The following SLC4A10 variants were observed in gnomAD, a reference collection of about 807,000 sequenced individuals.
SLC4A10 encodes the protein solute carrier family 4 member 10, also known as sodium-driven chloride bicarbonate exchanger.
Under a neutral mutation model 137.7 loss-of-function variants are expected in SLC4A10, and 42 were observed. That is an observed-to-expected ratio of 0.30 (90% confidence interval 0.24 to 0.39). The LOEUF is 0.39. SLC4A10 is among the 10% of genes least tolerant of loss of function. The pLI is 1.00. For missense variants in SLC4A10, 925 were observed against 1,355.0 expected, an observed-to-expected ratio of 0.68 and a Z score of 4.98; for synonymous variants, 474 against 464.1, an observed-to-expected ratio of 1.02 and a Z score of -0.27.
At chr2:161,813,733 G>C (rs1216098141) in intron 3 of SLC4A10, among the ~76,000 whole-genome samples, 1 of 152,074 alleles carries the variant, frequency 6.6e-6, no homozygotes, top group Non-Finnish European at 1.5e-5. Context: ...TATTTCATGA[G>C]CAAATAAAAA....
At chr2:161,979,056 C>T (rs1293116666) in intron 26 of SLC4A10, among the ~76,000 whole-genome samples, 1 of 152,132 alleles carries the variant, frequency 6.6e-6, no homozygotes, top group Non-Finnish European at 1.5e-5. Context: ...CGACATTTCT[C>T]TGATTTTTTA....
intron 1 of SLC4A10, among the ~76,000 whole-genome samples, chr2:161,726,328 A>G (rs1473663782): frequency 6.6e-6 from 1 of 152,200 alleles, no homozygotes; most frequent in Non-Finnish European, 1.5e-5. Context: ...GGCTTTAGGT[A>G]AAACTAGCTA....
At position 161,983,372 on chromosome 2, in the gene SLC4A10, C is replaced by A. The variant is rs1216069061; in HGVS notation, c.*220C>A. ...ATCCACCTTCATACTGTAAGTAGTGCAATACTTGTTTCATTTCTGTGTTTA... is the reference window on the plus strand; with the variant it reads ...ATCCACCTTCATACTGTAAGTAGTGAAATACTTGTTTCATTTCTGTGTTTA... On this transcript the variant is annotated 3_prime_UTR_variant, in exon 27 of 27. Coordinates refer to ENST00000446997, the MANE Select transcript of SLC4A10 (RefSeq NM_001178015.2). 3 of 758,448 alleles carry A rather than the reference C, an allele frequency of 4.0e-6. No homozygotes were observed. The highest frequency in any genetic ancestry group is 2.7e-5 in the East Asian group (1 of 36,582). 47.0% of individuals were successfully genotyped at this position (758,448 alleles called of 1,614,324 possible).
intron 1 of SLC4A10, among the ~76,000 whole-genome samples, chr2:161,659,334 A>T (rs994439405): frequency 6.6e-6 from 1 of 152,232 alleles, no homozygotes; most frequent in Non-Finnish European, 1.5e-5. Context: ...GAACTAAATA[A>T]TGTGTACACA....
chr2:161,931,677 G>A lies in SLC4A10; in HGVS notation c.1998-11115G>A, dbSNP rs561523178. On this transcript the variant is annotated intron_variant, in intron 15 of 26. Transcript: ENST00000446997. ...TTGTGTCTTCAGTTTACTAATCCAC[G>A]CTTCAAATGAGTAGAACTTACAATT... is the stretch of plus-strand genomic sequence containing the variant. 7.2e-5 allele frequency among the ~76,000 whole-genome samples: 11 copies of A among 152,158 alleles called. No individual in the cohort carries two copies. In the South Asian group the frequency reaches 1.0e-3, roughly 14 times the overall value.
intron 15 of SLC4A10, among the ~76,000 whole-genome samples, chr2:161,929,389 A>T (rs1435417366): frequency 1.3e-5 from 2 of 152,240 alleles, no homozygotes; most frequent in Admixed American, 1.3e-4. Flanking sequence ...TTATAGGACT[A>T]TATCTATGTG....
At chr2:161,925,009 G>A (rs1688814078) in intron 15 of SLC4A10, among the ~76,000 whole-genome samples, 1 of 152,132 alleles carries the variant, frequency 6.6e-6, no homozygotes, top group South Asian at 2.1e-4. Flanking sequence ...ATACCTTATA[G>A]GAGAGAAGTC....
Position 161,706,846 on chromosome 2 carries a change from G to A in SLC4A10, c.49-64127G>A, listed in dbSNP as rs568152430. On this transcript the variant is annotated intron_variant, in intron 1 of 26. Coordinates refer to ENST00000446997, the MANE Select transcript of SLC4A10 (RefSeq NM_001178015.2). ...GAAATCTTTTCTGATCCCTAGATTA[G>A]GGTAGGATGCCTTGCTACGGCTTTC... Among the ~76,000 whole-genome samples, 32 of 151,656 alleles carry A rather than the reference G, an allele frequency of 2.1e-4. No individual in the cohort carries two copies. The East Asian group carries it at 6.2e-3, about 29-fold the overall frequency.
chr2:161,962,490 C>T (rs1316579589), intron 21 of SLC4A10, among the ~76,000 whole-genome samples: 2 of 152,084 alleles, frequency 1.3e-5, no homozygotes. Flanking sequence ...CTCTACCATG[C>T]ACCAAGTTTT....
Position 161,696,087 on chromosome 2 carries a change from C to T in SLC4A10, c.48+71521C>T, listed in dbSNP as rs371182827. Among the ~76,000 whole-genome samples the T allele has an allele frequency of 1.3e-5, 2 of 151,098 alleles. 1 individual carries two copies. ...CTTCCCCCCACCCCACGACAGGCCC[C>T]GTGTGTGATGTTCCCCTTCCTGTGT... On this transcript the variant is annotated intron_variant, in intron 1 of 26. Transcript: ENST00000446997.
At position 161,673,522 on chromosome 2, in the gene SLC4A10, C is replaced by T. The variant is rs572066406; in HGVS notation, c.48+48956C>T. Among the ~76,000 whole-genome samples the T allele has an allele frequency of 5.9e-5, 9 of 152,148 alleles. No homozygotes were observed. In the East Asian group the frequency reaches 9.6e-4, roughly 16 times the overall value. On this transcript the variant is annotated intron_variant, in intron 1 of 26. Coordinates refer to ENST00000446997, the MANE Select transcript of SLC4A10 (RefSeq NM_001178015.2). ...AAAGGTACAATCTGGTAAGATTTTC[C>T]TAGCAGTGATGAATATGATCTACTT...
intron 3 of SLC4A10, among the ~76,000 whole-genome samples, chr2:161,815,503 C>A (rs78158618): frequency 0.032 from 4,857 of 152,188 alleles, 115 homozygotes; most frequent in Middle Eastern, 0.054. Context: ...ATAAATTACC[C>A]AGCCTCAGGG....
intron 21 of SLC4A10, among the ~76,000 whole-genome samples, chr2:161,961,315 C>T (rs563970169): frequency 6.6e-6 from 1 of 152,292 alleles, no homozygotes; most frequent in Admixed American, 6.5e-5. Context: ...CATTGCAGGT[C>T]ACGGAACACC....
At chr2:161,923,256 A>C (rs905483995) in intron 15 of SLC4A10, among the ~76,000 whole-genome samples, 11 of 152,218 alleles carry the variant, frequency 7.2e-5, no homozygotes, top group Non-Finnish European at 1.6e-4. Context: ...TATTTTATAA[A>C]AAGTGTATTT....
At chr2:161,659,568 C>T (rs1431910015) in intron 1 of SLC4A10, among the ~76,000 whole-genome samples, 1 of 151,994 alleles carries the variant, frequency 6.6e-6, no homozygotes, top group Non-Finnish European at 1.5e-5. Flanking sequence ...GATGGACACA[C>T]TGAAAGCTAT....
chr2:161,741,341 A>AG (rs1336543677), intron 1 of SLC4A10, among the ~76,000 whole-genome samples: 1 of 151,496 alleles, frequency 6.6e-6, no homozygotes, highest in Non-Finnish European at 1.5e-5. Flanking sequence ...TAAAAAAAAA[A>AG]GCACCTAAAC....
At chr2:161,840,102 G>A (rs188517300) in intron 4 of SLC4A10, among the ~76,000 whole-genome samples, 175 bp downstream of exon 4, 1 of 152,296 alleles carries the variant, frequency 6.6e-6, no homozygotes, top group Non-Finnish European at 1.5e-5. Flanking sequence ...AAATCTGAAG[G>A]CAGTAATTAC....
intron 14 of SLC4A10, among the ~76,000 whole-genome samples, chr2:161,905,322 A>T (rs1451466629): frequency 6.6e-6 from 1 of 152,172 alleles, no homozygotes; most frequent in Non-Finnish European, 1.5e-5. Context: ...CACAATCTAG[A>T]TTCCTCACAT....
intron 19 of SLC4A10, among the ~76,000 whole-genome samples, chr2:161,954,619 G>A (rs1426673216): frequency 6.6e-6 from 1 of 152,180 alleles, no homozygotes; most frequent in Non-Finnish European, 1.5e-5. Flanking sequence ...AGGCAAGAAG[G>A]ATACTGGTTA....
Sources: gnomAD v4.1 joint callset for allele counts (sites outside exome capture counted in the v4.1 genomes callset) on GRCh38, gnomAD v4.1.1 for gene constraint, MANE v1.5 for transcripts, NCBI Gene and HGNC (gene_info 2026-07-23, HGNC 2026-07-21) for gene names.